PTGFRN: variants seen among roughly 807,000 people sequenced by gnomAD.
PTGFRN encodes the protein prostaglandin F2 receptor inhibitor, also known as prostaglandin F2 receptor negative regulator.
In PTGFRN, 35 loss-of-function variants were observed where a neutral mutation model predicts 83.2. The observed-to-expected ratio is 0.42, with a 90% confidence interval of 0.32 to 0.56. PTGFRN has a LOEUF of 0.56. PTGFRN is among the 20% of genes least tolerant of loss of function. PTGFRN has a pLI of 0.11. For missense variants in PTGFRN, 1,051 were observed against 1,179.5 expected (o/e 0.89, Z 1.60); for synonymous variants, 519 against 498.6 (o/e 1.04, Z -0.55).
chr1:116,934,395 T>G (rs1382198545), intron 1 of PTGFRN, among the ~76,000 whole-genome samples: 1 of 152,158 alleles, frequency 6.6e-6, no homozygotes, highest in Non-Finnish European at 1.5e-5. Context: ...AGTCCTCCTG[T>G]CTCAGCCTCC....
intron 1 of PTGFRN, among the ~76,000 whole-genome samples, chr1:116,920,059 CT>C: frequency 6.6e-6 from 1 of 152,378 alleles, no homozygotes; most frequent in East Asian, 1.9e-4. Flanking sequence ...TGCCCATCTT[CT>C]GAGCACTCCT....
At position 116,970,809 on chromosome 1, in the gene PTGFRN, A is replaced by C. The variant is rs1327927591; in HGVS notation, c.2060-3407A>C. ...TTCCTAAAAATCCGTGACATACCTT[A>C]AGACACGCAACAAAGGGGTTCTTCC... On this transcript the variant is annotated intron_variant, in intron 6 of 8. Transcript: ENST00000393203. Among the ~76,000 whole-genome samples the C allele has an allele frequency of 2.6e-5, 4 of 152,148 alleles. No individual in the cohort carries two copies. The South Asian group carries it at 6.2e-4, about 24-fold the overall frequency.
intron 6 of PTGFRN, among the ~76,000 whole-genome samples, chr1:116,968,236 T>C (rs764064385): frequency 2.6e-5 from 4 of 152,164 alleles, no homozygotes; most frequent in Non-Finnish European, 4.4e-5. Context: ...AATTTCTGAA[T>C]GTATAAATTA....
Position 116,944,995 on chromosome 1 carries a change from C to T in PTGFRN, c.735C>T (p.Tyr245=). 1.9e-6 allele frequency: 3 copies of T among 1,613,898 alleles called. No homozygotes were observed. The highest frequency in any genetic ancestry group is 3.3e-4 in the Middle Eastern group (2 of 6,062). ...SRALSADQGS[Y]RCIVSEWIAE... ...CTCTGTCTGCCGACCAGGGCTCCTA[C>T]AGGTGTATCGTCAGCGAGTGGATCG... Residue 245 remains tyrosine, a synonymous_variant, in exon 3 of 9, where the codon TAC becomes TAT. Transcript: ENST00000393203.
At chr1:116,928,738 A>G (rs556538554) in intron 1 of PTGFRN, among the ~76,000 whole-genome samples, 4 of 152,126 alleles carry the variant, frequency 2.6e-5, no homozygotes, top group African/African-American at 4.8e-5. Context: ...ACTCCTTTCT[A>G]CTATTTTACT....
chr1:116,947,902 T>C (rs755335188), intron 3 of PTGFRN, among the ~76,000 whole-genome samples: 1 of 152,196 alleles, frequency 6.6e-6, no homozygotes, highest in Non-Finnish European at 1.5e-5. Flanking sequence ...ACTTTTAAAT[T>C]GCCTTTTCTA....
chr1:116,965,992 G>A lies in PTGFRN; in HGVS notation c.1640-919G>A, dbSNP rs143692316. 1.4e-4 allele frequency among the ~76,000 whole-genome samples: 21 copies of A among 152,264 alleles called. 1 individual carries two copies. In the East Asian group the frequency reaches 3.7e-3, roughly 27 times the overall value. On this transcript the variant is annotated intron_variant, in intron 5 of 8. Transcript: ENST00000393203. ...TCTTAATATACATGTTCTGCTAATCGGTTTGGTGGAACAAGTGTTCCAAAA... is the reference window on the plus strand; with the variant it reads ...TCTTAATATACATGTTCTGCTAATCAGTTTGGTGGAACAAGTGTTCCAAAA...
At chr1:116,922,536 C>T (rs150254634) in intron 1 of PTGFRN, among the ~76,000 whole-genome samples, 1 of 152,214 alleles carries the variant, frequency 6.6e-6, no homozygotes, top group African/African-American at 2.4e-5. Flanking sequence ...GGGAAGGTAC[C>T]TTTGTTAGCC....
chr1:116,979,075 AACAG>A (rs1440297909), intron 7 of PTGFRN, among the ~76,000 whole-genome samples: 1 of 152,142 alleles, frequency 6.6e-6, no homozygotes, highest in Non-Finnish European at 1.5e-5. Flanking sequence ...ACACACCAAT[AACAG>A]ACAAACAGAG....
At chr1:116,968,992 T>C (rs564239552) in intron 6 of PTGFRN, among the ~76,000 whole-genome samples, 1 of 152,302 alleles carries the variant, frequency 6.6e-6, no homozygotes, top group Admixed American at 6.5e-5. Flanking sequence ...TTGGCTATTA[T>C]GAATAGTGCT....
intron 6 of PTGFRN, among the ~76,000 whole-genome samples, chr1:116,973,568 G>A (rs1169887657): frequency 2.8e-5 from 4 of 144,022 alleles, no homozygotes; most frequent in African/African-American, 1.0e-4. Flanking sequence ...TCACACTACT[G>A]CACTCCAGCC....
rs1165921787 is a variant in PTGFRN at position 116,918,881 on chromosome 1, A to T, written c.49+8629A>T. The stretch of plus-strand genomic sequence containing the variant: ...GGGAACTGATGAGAACATCACAGGA[A>T]AGATTAGCCAAGGAGTACACGTGGG... On this transcript the variant is annotated intron_variant, in intron 1 of 8. Coordinates refer to ENST00000393203, the MANE Select transcript of PTGFRN (RefSeq NM_020440.4). This position sits in a 1 kb window ranked among gnomAD's most constrained non-coding sequence, Gnocchi z 4.1. Among the ~76,000 whole-genome samples the T allele has an allele frequency of 6.6e-6, 1 of 152,206 alleles. No homozygotes were observed. Among genetic ancestry groups the T allele is most frequent in the Non-Finnish European group, 1.5e-5 (1 of 68,028 alleles).
intron 1 of PTGFRN, among the ~76,000 whole-genome samples, chr1:116,938,826 C>A (rs941446568): frequency 3.9e-5 from 6 of 152,226 alleles, no homozygotes; most frequent in African/African-American, 1.4e-4. Flanking sequence ...TTAGTTACTT[C>A]CTAGATACAA....
chr1:116,969,951 G>A (rs1432332490), intron 6 of PTGFRN, among the ~76,000 whole-genome samples: 2 of 152,092 alleles, frequency 1.3e-5, no homozygotes, highest in African/African-American at 4.8e-5. Context: ...TGTATCCTGT[G>A]ACCTTGCTGA....
At chr1:116,916,254 T>C (rs772831199) in intron 1 of PTGFRN, among the ~76,000 whole-genome samples, 22 of 152,170 alleles carry the variant, frequency 1.4e-4, no homozygotes, top group South Asian at 4.1e-4. Context: ...GGATATTTCA[T>C]AGGAGTGGAG....
chr1:116,915,136 AAT>A (rs1265399341), intron 1 of PTGFRN, among the ~76,000 whole-genome samples: 1 of 152,242 alleles, frequency 6.6e-6, no homozygotes, highest in Non-Finnish European at 1.5e-5. Context: ...AAAGTTTACT[AAT>A]GTTCGCTAAA....
At chr1:116,933,952 A>C (rs1649859674) in intron 1 of PTGFRN, among the ~76,000 whole-genome samples, 1 of 152,106 alleles carries the variant, frequency 6.6e-6, no homozygotes, top group South Asian at 2.1e-4. Flanking sequence ...AATCTTAGCC[A>C]TTATCTCTTC....
At chr1:116,926,695 C>T (rs1557959203) in intron 1 of PTGFRN, among the ~76,000 whole-genome samples, 4 of 151,862 alleles carry the variant, frequency 2.6e-5, no homozygotes, top group African/African-American at 7.3e-5. Flanking sequence ...TGTAAGGTGT[C>T]TTTTTTTTGC....
intron 1 of PTGFRN, 101 bp downstream of exon 1, chr1:116,910,353 GC>G: frequency 9.2e-7 from 1 of 1,081,258 alleles, no homozygotes; most frequent in Non-Finnish European, 1.2e-6. Context: ...CGCCGAGGGT[GC>G]CCGGGCTGCT....
Sources: gnomAD v4.1 joint callset for allele counts (sites outside exome capture counted in the v4.1 genomes callset) on GRCh38, gnomAD v4.1.1 for gene constraint, Gnocchi (gnomAD v3.1) non-coding constraint, MANE v1.5 for transcripts, NCBI Gene and HGNC (gene_info 2026-07-23, HGNC 2026-07-21) for gene names.